Variants in WDPCP observed in about 807,000 individuals in gnomAD.
The protein encoded by WDPCP is WD repeat-containing and planar cell polarity effector protein fritz homolog.
In WDPCP, 71 loss-of-function variants were observed where a neutral mutation model predicts 93.1. The ratio of observed to expected loss-of-function variants is 0.76; its 90% CI spans 0.63 to 0.93. The LOEUF (loss-of-function observed/expected upper bound fraction) is 0.93. Ranked by LOEUF, WDPCP falls within the 40% of genes least tolerant of loss-of-function variation. The pLI, the probability that WDPCP is intolerant of heterozygous loss-of-function variation, is 0.00. For synonymous variants in WDPCP, 315 were observed against 315.0 expected, an observed-to-expected ratio of 1.00 and a Z score of 0.00; for missense variants, 844 against 887.4, an observed-to-expected ratio of 0.95 and a Z score of 0.62.
chr2:63,831,799 G>A (rs1320578829), upstream of WDPCP, among the ~76,000 whole-genome samples: 1 of 152,050 alleles, frequency 6.6e-6, no homozygotes, highest in African/African-American at 2.4e-5. Context: ...GAACTGTAGA[G>A]GAAAAGCACA....
intron 3 of WDPCP, among the ~76,000 whole-genome samples, chr2:63,624,209 C>T (rs1430325254): frequency 6.6e-6 from 1 of 152,172 alleles, no homozygotes; most frequent in Non-Finnish European, 1.5e-5. Context: ...ATTTATAGCA[C>T]TAAATGCCCA....
intron 17 of WDPCP, among the ~76,000 whole-genome samples, chr2:63,144,428 G>GT (rs1671328061): frequency 6.6e-6 from 1 of 151,998 alleles, no homozygotes; most frequent in South Asian, 2.1e-4. Flanking sequence ...GCTAATTTTT[G>GT]TATTTTTAGT....
intron 1 of WDPCP, among the ~76,000 whole-genome samples, chr2:63,548,588 TAA>T: frequency 6.6e-6 from 1 of 151,916 alleles, no homozygotes; most frequent in African/African-American, 2.4e-5. Context: ...ATTTGGACAT[TAA>T]AAAATCAAAT....
intron 2 of WDPCP, among the ~76,000 whole-genome samples, chr2:63,754,670 G>A (rs752428724): frequency 5.3e-5 from 8 of 152,148 alleles, no homozygotes; most frequent in Non-Finnish European, 8.8e-5. Flanking sequence ...AGAAACTAGA[G>A]GAAAGGGCCC....
intron 2 of WDPCP, among the ~76,000 whole-genome samples, chr2:63,741,844 T>C (rs1162448742): frequency 6.6e-6 from 1 of 152,120 alleles, no homozygotes; most frequent in African/African-American, 2.4e-5. Flanking sequence ...TATGCCTATA[T>C]ACAGATAAAA....
At chr2:63,469,702 T>C (rs1699581484) in intron 6 of WDPCP, among the ~76,000 whole-genome samples, 1 of 152,110 alleles carries the variant, frequency 6.6e-6, no homozygotes, top group Admixed American at 6.6e-5. Flanking sequence ...TACCTGAGGA[T>C]GGAGTGTGGG....
intron 15 of WDPCP, among the ~76,000 whole-genome samples, chr2:63,158,971 TACAAAAAA>T (rs1201860902): frequency 3.3e-5 from 1 of 30,428 alleles, no homozygotes. Flanking sequence ...ACCTCATCTC[TACAAAAAA>T]AAAAAAAAAA....
At chr2:63,605,790 T>A in intron 3 of WDPCP, 1 of 688,790 alleles carries the variant, frequency 1.5e-6, no homozygotes, top group Non-Finnish European at 2.6e-6. Context: ...AGTTACCTTG[T>A]CACCAGTACC....
At position 63,588,187 on chromosome 2, in the gene WDPCP, C is replaced by A. The variant is rs1481319831; in HGVS notation, c.75+10G>T. On this transcript the variant is annotated intron_variant, in intron 1 of 17. Coordinates refer to ENST00000272321, the MANE Select transcript of WDPCP (RefSeq NM_015910.7). Reference sequence around the variant, plus strand: ...AAAAGAAAACCCCTTGCCCTCGGGCCAGGGCTCACCTGTCTCGGGAGTGGG... The same window carrying A: ...AAAAGAAAACCCCTTGCCCTCGGGCAAGGGCTCACCTGTCTCGGGAGTGGG... The A allele has an allele frequency of 6.4e-7, 1 of 1,561,522 alleles. No homozygotes were observed. The highest frequency in any genetic ancestry group is 8.7e-7 in the Non-Finnish European group (1 of 1,151,072).
chr2:63,357,560 T>C (rs1012444402), intron 12 of WDPCP, among the ~76,000 whole-genome samples: 3 of 152,108 alleles, frequency 2.0e-5, no homozygotes, highest in African/African-American at 7.2e-5. Context: ...CACAATGAGA[T>C]ACCATCTCAC....
chr2:63,233,206 G>A (rs200361414), intron 14 of WDPCP: 86 of 153,732 alleles, frequency 5.6e-4, no homozygotes, highest in Non-Finnish European at 8.0e-4. Context: ...TTTTTTCACC[G>A]GTTTGTTATG....
chr2:63,458,039 G>A (rs188843823), intron 6 of WDPCP, among the ~76,000 whole-genome samples: 1 of 150,674 alleles, frequency 6.6e-6, no homozygotes, highest in African/African-American at 2.4e-5. Context: ...CAGGAGAATC[G>A]CTTGAACCCA....
chr2:63,165,668 CTT>C (rs1389680719), intron 15 of WDPCP, among the ~76,000 whole-genome samples: 3 of 149,620 alleles, frequency 2.0e-5, no homozygotes, highest in East Asian at 3.9e-4. Context: ...GTGGTGGACA[CTT>C]TTGGCAATCT....
chr2:63,515,433 C>A (rs1233928655), intron 1 of WDPCP, among the ~76,000 whole-genome samples: 1 of 152,148 alleles, frequency 6.6e-6, no homozygotes, highest in Admixed American at 6.5e-5. Flanking sequence ...ATTAAAGATG[C>A]TCAATAAAAG....
chr2:63,621,875 T>C (rs1709741273), intron 3 of WDPCP, among the ~76,000 whole-genome samples: 1 of 51,072 alleles, frequency 2.0e-5, no homozygotes, highest in Non-Finnish European at 3.4e-5. Context: ...ATATTCAACA[T>C]TCTTTTTTTT....
At chr2:63,262,494 A>G (rs755696247) in intron 13 of WDPCP, among the ~76,000 whole-genome samples, 1 of 150,928 alleles carries the variant, frequency 6.6e-6, no homozygotes, top group Non-Finnish European at 1.5e-5. Flanking sequence ...AACTTATTCT[A>G]GTTAATTTTA....
chr2:63,745,926 T>C (rs1478145022), intron 2 of WDPCP, among the ~76,000 whole-genome samples: 8 of 152,192 alleles, frequency 5.3e-5, no homozygotes, highest in Admixed American at 5.2e-4. Context: ...GTATTGGCTA[T>C]TTTAAAATTT....
At chr2:63,709,488 C>T (rs1162668168) in intron 2 of WDPCP, among the ~76,000 whole-genome samples, 5 of 152,156 alleles carry the variant, frequency 3.3e-5, no homozygotes, top group Non-Finnish European at 7.4e-5. Flanking sequence ...GAAAAATATT[C>T]CCAATAAATA....
At chr2:63,480,287 A>G (rs567457620) in intron 6 of WDPCP, among the ~76,000 whole-genome samples, 2 of 152,302 alleles carry the variant, frequency 1.3e-5, no homozygotes, top group Admixed American at 1.3e-4. Flanking sequence ...GGTAGAATCA[A>G]TATCATGAAA....
Sources: allele counts gnomAD v4.1 joint callset (sites outside exome capture counted in the v4.1 genomes callset), GRCh38; gene constraint gnomAD v4.1.1; transcripts MANE v1.5; gene names NCBI Gene and HGNC (gene_info 2026-07-23, HGNC 2026-07-21).